The following PSTK variants were observed in gnomAD, a reference collection of about 807,000 sequenced individuals.
PSTK encodes the protein L-seryl-tRNA(Sec) kinase.
In PSTK, 26 loss-of-function variants were observed where a neutral mutation model predicts 38.6. The ratio of observed to expected loss-of-function variants is 0.67; its 90% CI spans 0.49 to 0.94. The LOEUF is 0.94. Ranked by LOEUF, PSTK falls within the 40% of genes least tolerant of loss-of-function variation. The probability of loss-of-function intolerance (pLI) is 0.00; values close to 1 mark genes in which losing one functional copy is unlikely to be tolerated. For synonymous variants in PSTK, 181 were observed against 161.7 expected (o/e 1.12, Z -0.91); for missense variants, 445 against 436.3 (o/e 1.02, Z -0.18).
At chr10:122,989,034 T>C (rs1849076313) in intron 5 of PSTK, among the ~76,000 whole-genome samples, 2 of 152,116 alleles carry the variant, frequency 1.3e-5, no homozygotes, top group South Asian at 2.1e-4. Flanking sequence ...ATATGTGCTA[T>C]ACAATGTGGA....
At chr10:122,982,690 C>T in intron 1 of PSTK, 43 bp from the exon 2 acceptor site, 1 of 1,585,256 alleles carries the variant, frequency 6.3e-7, no homozygotes, top group Non-Finnish European at 8.6e-7. Flanking sequence ...GACTGACCAC[C>T]CTAGTGGCCT....
intron 5 of PSTK, 53 bp from the exon 6 acceptor site, chr10:122,990,121 C>A: frequency 3.3e-6 from 4 of 1,205,270 alleles, no homozygotes; most frequent in Non-Finnish European, 4.6e-6. Context: ...TCATTAGACA[C>A]CCCGGATTAC....
In PSTK at chr10:122,980,426, C is replaced by G. The variant is rs77793072; in HGVS notation, c.-54C>G. 0.027 allele frequency: 40,405 copies of G among 1,491,712 alleles called. 651 individuals are homozygous for G. The highest frequency in any genetic ancestry group is 0.062 in the African/African-American group (4,352 of 70,358). 92.4% of individuals were successfully genotyped at this position (1,491,712 alleles called of 1,614,324 possible). A position where few individuals can be genotyped will look rare whatever the true frequency, so the allele number is the denominator to read the frequency against. The stretch of plus-strand genomic sequence containing the variant: ...GGAGACGCTGCGCGTGCGCGCAGGG[C>G]AGACGGTAGAGCGGAGACGACGCTC... On this transcript the variant is annotated 5_prime_UTR_variant, in exon 1 of 6. Transcript: ENST00000406217. The surrounding 1 kb of genome is among the most constrained non-coding windows in gnomAD (Gnocchi z 4.3).
intron 1 of PSTK, chr10:122,981,994 C>T (rs1848964796): frequency 1.3e-5 from 2 of 152,128 alleles, no homozygotes; most frequent in South Asian, 4.2e-4. Context: ...GTTCTCACTC[C>T]CCTGTCCTCG....
intron 5 of PSTK, chr10:122,987,650 A>G (rs923970302): frequency 1.4e-5 from 18 of 1,266,746 alleles, no homozygotes; most frequent in Middle Eastern, 2.8e-4. Context: ...TTAGGTTTTG[A>G]ATACTGTATT....
Position 122,983,333 on chromosome 10 carries a change from T to C in PSTK, c.570T>C (p.Asn190=). The change falls in exon 3 of 6, where the codon AAT becomes AAC. Residue 190 remains asparagine, a synonymous_variant. Transcript: ENST00000406217. ...DCPLETCLQR[N]GQRPQALPPE... is the part of the protein sequence containing the mutation. Reference sequence around the variant, plus strand: ...CTCTTGAGACCTGTTTACAGAGGAATGGCCAGAGGCCACAGGCACTGCCTC... The same window carrying C: ...CTCTTGAGACCTGTTTACAGAGGAACGGCCAGAGGCCACAGGCACTGCCTC... 2 of 1,614,252 alleles carry C rather than the reference T, an allele frequency of 1.2e-6. No individual in the cohort carries two copies. Among genetic ancestry groups the C allele is most frequent in the Non-Finnish European group, 1.7e-6 (2 of 1,180,034 alleles).
intron 5 of PSTK, 57 bp from the exon 6 acceptor site, chr10:122,990,117 G>A: frequency 8.7e-7 from 1 of 1,150,230 alleles, no homozygotes. Flanking sequence ...AATGTCATTA[G>A]ACACCCCGGA....
chr10:122,987,555 A>G, intron 5 of PSTK: 1 of 1,593,582 alleles, frequency 6.3e-7, no homozygotes, highest in African/African-American at 1.3e-5. Flanking sequence ...TCAGCATGGA[A>G]TTTGAGTAAA....
intron 5 of PSTK, among the ~76,000 whole-genome samples, chr10:122,989,867 C>A (rs1346849775): frequency 6.6e-6 from 1 of 152,136 alleles, no homozygotes; most frequent in African/African-American, 2.4e-5. Flanking sequence ...TTTTGCCTTT[C>A]TGCTTAATTC....
rs753095831 is a variant in PSTK, at chr10:122,980,488, C to T, written c.9C>T (p.Thr3=). The T allele has an allele frequency of 6.2e-6, 10 of 1,601,038 alleles. No individual in the cohort carries two copies. The East Asian group carries it at 1.6e-4, about 25-fold the overall frequency. MK[T]AENIRGTGSD... ...CGGTCTCCCCGGGCAGCATGAAGAC[C>T]GCCGAGAACATCAGAGGAACCGGCA... Residue 3 remains threonine, a synonymous_variant, in exon 1 of 6, where the codon ACC becomes ACT. Coordinates refer to ENST00000406217, the MANE Select transcript of PSTK (RefSeq NM_001363531.2). This position sits in a 1 kb window ranked among gnomAD's most constrained non-coding sequence, Gnocchi z 4.3.
intron 3 of PSTK, 187 bp from the exon 4 acceptor site, chr10:122,986,113 C>G: frequency 2.9e-6 from 1 of 342,898 alleles, no homozygotes; most frequent in Non-Finnish European, 5.3e-6. Flanking sequence ...CCCAGCTACT[C>G]GGGAGGCTGA....
At chr10:122,987,156 T>C (rs1434654755) in intron 5 of PSTK, among the ~76,000 whole-genome samples, 194 bp downstream of exon 5, 1 of 152,190 alleles carries the variant, frequency 6.6e-6, no homozygotes, top group Non-Finnish European at 1.5e-5. Flanking sequence ...CCAACAAATT[T>C]TTACTGAGTT....
chr10:122,980,656 G>A lies in PSTK; in HGVS notation c.177G>A (p.Met59Ile). The change falls in exon 1 of 6, where the codon ATG becomes ATA. Residue 59 changes from methionine (M) to isoleucine (I), a missense_variant. Met to Ile is a conservative substitution (Grantham distance 10). Transcript: ENST00000406217. The surrounding 1 kb of genome is among the most constrained non-coding windows in gnomAD (Gnocchi z 4.3). The part of the protein sequence containing the change: ...AIGVVAYDDV[M>I]PDAFLAGARA... Reference sequence around the variant, plus strand: ...GTGTTGTCGCGTATGATGACGTCATGCCCGACGCGTTTCTCGCCGGGGCAA... The same window carrying A: ...GTGTTGTCGCGTATGATGACGTCATACCCGACGCGTTTCTCGCCGGGGCAA... 2 of 1,594,536 alleles carry A rather than the reference G, an allele frequency of 1.3e-6. No individual in the cohort carries two copies. The highest frequency in any genetic ancestry group is 1.7e-6 in the Non-Finnish European group (2 of 1,170,390).
chr10:122,987,421 A>G, intron 5 of PSTK: 1 of 1,614,244 alleles, frequency 6.2e-7, no homozygotes, highest in African/African-American at 1.3e-5. Flanking sequence ...ATTCTAGGCA[A>G]TGAACACATC....
chr10:122,983,715 G>A, intron 3 of PSTK: 19 of 439,708 alleles, frequency 4.3e-5, no homozygotes, highest in Middle Eastern at 6.1e-4. Context: ...GTTGGAGCAG[G>A]GAATTCAGAG....
At chr10:122,986,249 T>C in intron 3 of PSTK, 51 bp from the exon 4 acceptor site, 4 of 999,202 alleles carry the variant, frequency 4.0e-6, no homozygotes, top group East Asian at 5.5e-5. Context: ...AAAAAAAAAG[T>C]CAGATGTTGG....
Position 122,980,600 on chromosome 10 carries a change from C to T in PSTK, c.121C>T (p.Arg41Trp), listed in dbSNP as rs376338212. The change falls in exon 1 of 6, where the codon CGG becomes TGG. Residue 41 changes from arginine to tryptophan, a missense_variant. Transcript: ENST00000406217. This position sits in a 1 kb window ranked among gnomAD's most constrained non-coding sequence, Gnocchi z 4.3. ...KSTFARALAH[R>W]LQQEQGWAIG... is the part of the protein sequence containing the mutation. ...GACTTTCGCGCGCGCCCTCGCCCAC[C>T]GGCTGCAGCAGGAGCAGGGTTGGGC... The T allele has an allele frequency of 8.7e-6, 14 of 1,611,982 alleles. No individual in the cohort carries two copies. Among genetic ancestry groups the T allele is most frequent in the Middle Eastern group, 1.6e-4 (1 of 6,074 alleles).
intron 3 of PSTK, chr10:122,983,849 CAT>C (rs1258940980): frequency 1.0e-5 from 2 of 195,802 alleles, no homozygotes; most frequent in African/African-American, 4.7e-5. Flanking sequence ...TAGAGCTCAC[CAT>C]AGTTACACTG....
chr10:122,985,213 A>G (rs1275766798), intron 3 of PSTK: 1 of 152,390 alleles, frequency 6.6e-6, no homozygotes, highest in Non-Finnish European at 1.5e-5. Flanking sequence ...CACAAGGAGC[A>G]TGTTCTTGCC....
Sources: allele counts gnomAD v4.1 joint callset (sites outside exome capture counted in the v4.1 genomes callset), GRCh38; gene constraint gnomAD v4.1.1; non-coding constraint Gnocchi (gnomAD v3.1); transcripts MANE v1.5; gene names NCBI Gene and HGNC (gene_info 2026-07-23, HGNC 2026-07-21).